Variants in PTBP2 observed in about 807,000 individuals in gnomAD.
The protein encoded by PTBP2 is polypyrimidine tract-binding protein 2.
A neutral mutation model predicts 61.4 loss-of-function variants in PTBP2; 13 were observed. The ratio of observed to expected loss-of-function variants is 0.21; its 90% CI spans 0.14 to 0.34. PTBP2 has a LOEUF of 0.34. PTBP2 is among the 10% of genes least tolerant of loss of function. PTBP2 has a pLI of 1.00. For missense variants in PTBP2, 405 were observed against 642.6 expected, an observed-to-expected ratio of 0.63 and a Z score of 4.00; for synonymous variants, 215 against 218.5, an observed-to-expected ratio of 0.98 and a Z score of 0.14.
At chr1:96,821,325 T>C (rs988400985) in exon 14 of PTBP2, 1 of 152,152 alleles carries the variant, frequency 6.6e-6, no homozygotes, top group Non-Finnish European at 1.5e-5. Context: ...ACCTCGACTT[T>C]CCATTTTTGT....
chr1:96,808,001 A>C (rs991697511), intron 11 of PTBP2, among the ~76,000 whole-genome samples: 10 of 152,174 alleles, frequency 6.6e-5, no homozygotes, highest in African/African-American at 1.9e-4. Context: ...TGTAAGTAGC[A>C]CTTAACAGTA....
At chr1:96,727,029 A>G (rs1650654599) in intron 2 of PTBP2, among the ~76,000 whole-genome samples, 1 of 152,114 alleles carries the variant, frequency 6.6e-6, no homozygotes. Flanking sequence ...CACTCCCTAC[A>G]GTATCATCTT....
At position 96,785,259 on chromosome 1, in the gene PTBP2, G is replaced by T; in HGVS notation, c.904+5G>T. 1 of 1,549,936 alleles carries T rather than the reference G, an allele frequency of 6.5e-7. No individual in the cohort carries two copies. Among genetic ancestry groups the T allele is most frequent in the South Asian group, 1.2e-5 (1 of 81,056 alleles). ...CCAAGGAGACATCCCTCTTAGGTATGATTTTTATTGTCTTAACCACTTTTC... is the reference window on the plus strand; with the variant it reads ...CCAAGGAGACATCCCTCTTAGGTATTATTTTTATTGTCTTAACCACTTTTC... On this transcript the variant is annotated splice_donor_5th_base_variant and intron_variant, in intron 8 of 13. Transcript: ENST00000674951.
intron 5 of PTBP2, among the ~76,000 whole-genome samples, chr1:96,774,120 T>TTAA (rs1657733752): frequency 1.4e-5 from 2 of 145,094 alleles, no homozygotes; most frequent in Non-Finnish European, 3.0e-5. Context: ...CACAGTCTCT[T>TTAA]AAAAAAAAAA....
chr1:96,763,668 A>G (rs1332489838), intron 3 of PTBP2, among the ~76,000 whole-genome samples: 1 of 151,432 alleles, frequency 6.6e-6, no homozygotes, highest in Non-Finnish European at 1.5e-5. Context: ...TAGGGATGAT[A>G]TATAATGTAC....
At chr1:96,747,658 A>C (rs554259214) in intron 2 of PTBP2, among the ~76,000 whole-genome samples, 4 of 152,244 alleles carry the variant, frequency 2.6e-5, no homozygotes, top group Non-Finnish European at 4.4e-5. Context: ...TGGTGGCATA[A>C]ATAAAAGAGT....
chr1:96,749,460 A>T lies in PTBP2; in HGVS notation c.40-1965A>T, dbSNP rs555851080. On this transcript the variant is annotated intron_variant, in intron 2 of 13. Transcript: ENST00000674951. Reference sequence around the variant, plus strand: ...TAAGGCATTGACAATATTTTACTTGATTAGGAATTTTGTTCAGGTGAGTAA... The same window carrying T: ...TAAGGCATTGACAATATTTTACTTGTTTAGGAATTTTGTTCAGGTGAGTAA... Among the ~76,000 whole-genome samples, 105 of 152,296 alleles carry T rather than the reference A, an allele frequency of 6.9e-4. 2 individuals are homozygous for T. The highest frequency in any genetic ancestry group is 6.7e-3 in the Admixed American group (102 of 15,288).
At chr1:96,766,323 A>G (rs916967991) in intron 3 of PTBP2, among the ~76,000 whole-genome samples, 1 of 152,266 alleles carries the variant, frequency 6.6e-6, no homozygotes, top group African/African-American at 2.4e-5. Flanking sequence ...ATTTATATGC[A>G]TAAATAAAAG....
rs1232683663 is a variant in PTBP2 at position 96,739,618 on chromosome 1, G to GGT, written c.40-11807_40-11806insGT. Among the ~76,000 whole-genome samples the GGT allele has an allele frequency of 4.6e-3, 387 of 83,768 alleles. 41 individuals are homozygous for GGT. Among genetic ancestry groups the GGT allele is most frequent in the Middle Eastern group, 0.014 (2 of 138 alleles). The allele number at this position is 83,768 out of a possible 152,430, so 55.0% of individuals were successfully genotyped here. A position where few individuals can be genotyped will look rare whatever the true frequency, so the allele number is the denominator to read the frequency against. ...GCTACAAAATCTGAAACTGGTGTGTGTTTTTTTTTTTTTTTTTTTTTTTTT... is the reference window on the plus strand; with the variant it reads ...GCTACAAAATCTGAAACTGGTGTGTGGTTTTTTTTTTTTTTTTTTTTTTTTTT... On this transcript the variant is annotated intron_variant, in intron 2 of 13. Coordinates refer to ENST00000674951, the MANE Select transcript of PTBP2 (RefSeq NM_021190.4).
rs546300802 is a variant in PTBP2, at chr1:96,749,687, G to A, written c.40-1738G>A. Reference sequence around the variant, plus strand: ...CAAAAAATATGTAACAGTTAATAACGTAATTCACTTACTTAGTCAATAAAT... The same window carrying A: ...CAAAAAATATGTAACAGTTAATAACATAATTCACTTACTTAGTCAATAAAT... On this transcript the variant is annotated intron_variant, in intron 2 of 13. Coordinates refer to ENST00000674951, the MANE Select transcript of PTBP2 (RefSeq NM_021190.4). 741 of 455,476 alleles carry A rather than the reference G, an allele frequency of 1.6e-3. 3 individuals are homozygous for A. The highest frequency in any genetic ancestry group is 2.6e-3 in the Non-Finnish European group (595 of 226,382). 28.2% of individuals were successfully genotyped at this position (455,476 alleles called of 1,614,324 possible). A position where few individuals can be genotyped will look rare whatever the true frequency, so the allele number is the denominator to read the frequency against.
intron 11 of PTBP2, among the ~76,000 whole-genome samples, chr1:96,810,501 C>T (rs1661970457): frequency 2.0e-5 from 3 of 152,082 alleles, no homozygotes; most frequent in Admixed American, 2.0e-4. Context: ...CTCTTGTTAC[C>T]TGGCTACTTC....
chr1:96,813,473 A>G lies in PTBP2; in HGVS notation c.*68A>G, dbSNP rs994841914. On this transcript the variant is annotated 3_prime_UTR_variant, in exon 14 of 14. Coordinates refer to ENST00000674951, the MANE Select transcript of PTBP2 (RefSeq NM_021190.4). ...GTCATCACCTATTTGACTGTTCAGA[A>G]AAGTGGGGACCAGAGTTTGATTTTT... 105 of 1,357,332 alleles carry G rather than the reference A, an allele frequency of 7.7e-5. No individual in the cohort carries two copies. The highest frequency in any genetic ancestry group is 9.4e-5 in the Non-Finnish European group (96 of 1,026,326). 84.1% of individuals were successfully genotyped at this position (1,357,332 alleles called of 1,614,324 possible).
intron 2 of PTBP2, among the ~76,000 whole-genome samples, chr1:96,735,871 A>G (rs35387107): frequency 5.9e-5 from 9 of 152,066 alleles, no homozygotes; most frequent in Middle Eastern, 3.4e-3. Context: ...TTGGTGAGCT[A>G]TATGAGTTCT....
At chr1:96,727,260 C>T (rs1650701837) in intron 2 of PTBP2, among the ~76,000 whole-genome samples, 1 of 152,180 alleles carries the variant, frequency 6.6e-6, no homozygotes, top group Non-Finnish European at 1.5e-5. Flanking sequence ...AGTAATAGTA[C>T]ACTTTATGGC....
intron 8 of PTBP2, among the ~76,000 whole-genome samples, chr1:96,785,798 T>A (rs925742600): frequency 6.6e-6 from 1 of 152,230 alleles, no homozygotes; most frequent in Non-Finnish European, 1.5e-5. Flanking sequence ...TTAATTTTGC[T>A]ATTTCTTTGC....
intron 2 of PTBP2, among the ~76,000 whole-genome samples, chr1:96,743,158 G>GA (rs921636114): frequency 4.6e-5 from 7 of 151,902 alleles, no homozygotes; most frequent in Non-Finnish European, 1.5e-5. Flanking sequence ...GTGGTGGGGG[G>GA]CACCTGTAGT....
intron 3 of PTBP2, among the ~76,000 whole-genome samples, chr1:96,755,087 A>G (rs905539521): frequency 6.6e-6 from 1 of 152,248 alleles, no homozygotes; most frequent in Non-Finnish European, 1.5e-5. Flanking sequence ...ATAACAAAGC[A>G]TATAGCTGAT....
intron 8 of PTBP2, among the ~76,000 whole-genome samples, chr1:96,791,346 A>G (rs1240650513): frequency 2.0e-5 from 3 of 152,160 alleles, no homozygotes; most frequent in Admixed American, 6.5e-5. Flanking sequence ...GTGTGTGTGT[A>G]TGTGTTTTTA....
chr1:96,734,494 G>T (rs568017034), intron 2 of PTBP2, among the ~76,000 whole-genome samples: 1 of 151,094 alleles, frequency 6.6e-6, no homozygotes, highest in African/African-American at 2.4e-5. Flanking sequence ...AAGGAGTCAC[G>T]ATAAAATAAG....
Sources: gnomAD v4.1 joint callset for allele counts (sites outside exome capture counted in the v4.1 genomes callset) on GRCh38, gnomAD v4.1.1 for gene constraint, MANE v1.5 for transcripts, NCBI Gene and HGNC (gene_info 2026-07-23, HGNC 2026-07-21) for gene names.